Variants in FRMD3 observed in about 807,000 individuals in gnomAD.
FRMD3 encodes the protein FERM domain-containing protein 3.
In FRMD3, 33 loss-of-function variants were observed where a neutral mutation model predicts 70.2. The observed-to-expected ratio is 0.47, with a 90% CI of 0.36 to 0.63. The LOEUF (loss-of-function observed/expected upper bound fraction) is 0.63, where lower values mean the gene tolerates loss of function less well. Among genes scored for constraint, FRMD3 ranks in the 20% least tolerant of loss-of-function variants. The pLI is 0.00. For missense variants in FRMD3, 632 were observed against 711.4 expected, an observed-to-expected ratio of 0.89 and a Z score of 1.27; for synonymous variants, 279 against 255.9, an observed-to-expected ratio of 1.09 and a Z score of -0.86.
chr9:83,468,759 C>A (rs564983486), intron 1 of FRMD3, among the ~76,000 whole-genome samples: 19 of 152,298 alleles, frequency 1.2e-4, no homozygotes, highest in Admixed American at 1.1e-3. Flanking sequence ...AAGAATACAG[C>A]AATTTATCAC....
At chr9:83,319,738 G>A (rs1271522097) in intron 6 of FRMD3, among the ~76,000 whole-genome samples, 1 of 152,160 alleles carries the variant, frequency 6.6e-6, no homozygotes, top group Non-Finnish European at 1.5e-5. Context: ...TCTCTTGATA[G>A]TGAATGGGTC....
intron 3 of FRMD3, among the ~76,000 whole-genome samples, chr9:83,370,784 C>T (rs1253674132): frequency 3.9e-5 from 6 of 152,054 alleles, no homozygotes; most frequent in East Asian, 1.9e-4. Context: ...CGGTAGTGCA[C>T]GCCCGTAGTT....
chr9:83,284,058 GTTAT>G (rs779663689), intron 13 of FRMD3, among the ~76,000 whole-genome samples: 3 of 79,320 alleles, frequency 3.8e-5, no homozygotes, highest in African/African-American at 1.4e-4. Flanking sequence ...AAGCTAGGAT[GTTAT>G]TTTTTTTTTT....
Position 83,507,736 on chromosome 9 carries a change from A to ATATATATATATC in FRMD3, c.147+30348_147+30349insGATATATATATA, listed in dbSNP as rs1554713917. ...TATATATATATATATATATATATAT[A>ATATATATATATC]TATCTTCTGGAATATTTCCTGAAGG... On this transcript the variant is annotated intron_variant, in intron 1 of 13. Coordinates refer to ENST00000304195, the MANE Select transcript of FRMD3 (RefSeq NM_174938.6). Among the ~76,000 whole-genome samples, 21 of 88,688 alleles carry ATATATATATATC rather than the reference A, an allele frequency of 2.4e-4. 1 individual carries two copies. Among genetic ancestry groups the ATATATATATATC allele is most frequent in the Non-Finnish European group, 3.6e-4 (15 of 42,236 alleles). 58.2% of individuals were successfully genotyped at this position (88,688 alleles called of 152,430 possible). A position where few individuals can be genotyped will look rare whatever the true frequency, so the allele number is the denominator to read the frequency against.
At chr9:83,382,444 A>G (rs982267301) in intron 2 of FRMD3, among the ~76,000 whole-genome samples, 18 of 152,210 alleles carry the variant, frequency 1.2e-4, no homozygotes, top group African/African-American at 4.3e-4. Flanking sequence ...ATTATATTGC[A>G]TAAGTAGTAT....
chr9:83,460,440 T>C (rs1190982201), intron 1 of FRMD3, among the ~76,000 whole-genome samples: 1 of 152,182 alleles, frequency 6.6e-6, no homozygotes, highest in African/African-American at 2.4e-5. Context: ...ATTCAACACA[T>C]ACATTCACTG....
chr9:83,410,872 G>A (rs944956381), intron 1 of FRMD3, among the ~76,000 whole-genome samples: 1 of 152,040 alleles, frequency 6.6e-6, no homozygotes, highest in African/African-American at 2.4e-5. Flanking sequence ...GACTCGTCCC[G>A]GCTCACCTCA....
Position 83,298,746 on chromosome 9 carries a change from A to C in FRMD3, c.1070+2T>G. On this transcript the variant is annotated splice_donor_variant, in intron 12 of 13. Coordinates refer to ENST00000304195, the MANE Select transcript of FRMD3 (RefSeq NM_174938.6). LOFTEE classifies it high-confidence loss of function. ...TGGAACCCACAGTGATCATCCACTC[A>C]CCTGTGCACCTCAGGAGGCTCCCTC... The C allele has an allele frequency of 6.2e-7, 1 of 1,613,718 alleles. No individual in the cohort carries two copies. Among genetic ancestry groups the C allele is most frequent in the Admixed American group, 1.7e-5 (1 of 60,022 alleles).
At chr9:83,261,279 G>C (rs1411784494) in intron 13 of FRMD3, among the ~76,000 whole-genome samples, 1 of 152,006 alleles carries the variant, frequency 6.6e-6, no homozygotes, top group Non-Finnish European at 1.5e-5. Context: ...CCATCCTTAG[G>C]CTTCATCCTT....
At position 83,248,288 on chromosome 9, in the gene FRMD3, A is replaced by G; in HGVS notation, c.1424T>C (p.Leu475Ser). The G allele has an allele frequency of 6.2e-7, 1 of 1,614,150 alleles. No individual in the cohort carries two copies. The highest frequency in any genetic ancestry group is 8.5e-7 in the Non-Finnish European group (1 of 1,180,016). ...MLFDCPSRLE[L>S]EREDTDSFED... ...AAATGAATCTGTGTCTTCTCTTTCC[A>G]ACTCAAGCCTAGAAGGACAGTCAAA... The change falls in exon 14 of 14, where the codon TTG becomes TCG. Residue 475 changes from leucine (L) to serine (S), a missense_variant. Leu to Ser is a moderately radical substitution (Grantham distance 145). Around this residue, in one of 3 missense-constraint regions of FRMD3, gnomAD observed 418 missense variants for 442.1 expected, o/e 0.95. Transcript: ENST00000304195.
At chr9:83,429,744 TG>T in intron 1 of FRMD3, among the ~76,000 whole-genome samples, 1 of 152,212 alleles carries the variant, frequency 6.6e-6, no homozygotes, top group South Asian at 2.1e-4. Context: ...CTCTCTCTCT[TG>T]GATTCCATTT....
chr9:83,452,564 C>T (rs958168607), intron 1 of FRMD3, among the ~76,000 whole-genome samples: 12 of 151,844 alleles, frequency 7.9e-5, no homozygotes, highest in Non-Finnish European at 1.6e-4. Flanking sequence ...TCACTGCAAG[C>T]ACCGCCTCCC....
the FRMD3 span, among the ~76,000 whole-genome samples, chr9:83,561,413 G>A: frequency 6.6e-6 from 1 of 152,118 alleles, no homozygotes; most frequent in Non-Finnish European, 1.5e-5. Context: ...CATTTACAGG[G>A]CGGCTGCTAT....
chr9:83,466,240 C>A (rs1043455575), intron 1 of FRMD3, among the ~76,000 whole-genome samples: 11 of 152,212 alleles, frequency 7.2e-5, no homozygotes, highest in Non-Finnish European at 1.5e-4. Context: ...TAGGAAATTA[C>A]CATGATCAGT....
chr9:83,261,100 T>TACACACACACAC (rs1402795499), intron 13 of FRMD3, among the ~76,000 whole-genome samples: 461 of 27,040 alleles, frequency 0.017, 3 homozygotes, highest in African/African-American at 0.043. Flanking sequence ...AAAGGAAACT[T>TACACACACACAC]AGACACACAC....
chr9:83,537,614 G>GGGC lies in FRMD3; in HGVS notation c.147+468_147+470dup, dbSNP rs1829925671. Among the ~76,000 whole-genome samples, 1 of 152,222 alleles carries GGGC rather than the reference G, an allele frequency of 6.6e-6. No homozygotes were observed. The highest frequency in any genetic ancestry group is 1.5e-5 in the Non-Finnish European group (1 of 68,034). ...AGCGGAAAGCAGGTTCCGGGACTGA[G>GGGC]GGCGTCTCCGGAGCCTGGGCGCGGG... is the stretch of plus-strand genomic sequence containing the variant. On this transcript the variant is annotated intron_variant, in intron 1 of 13. Coordinates refer to ENST00000304195, the MANE Select transcript of FRMD3 (RefSeq NM_174938.6). This position sits in a 1 kb window ranked among gnomAD's most constrained non-coding sequence, Gnocchi z 4.1.
At chr9:83,438,165 G>A (rs920552973) in intron 1 of FRMD3, among the ~76,000 whole-genome samples, 1 of 152,076 alleles carries the variant, frequency 6.6e-6, no homozygotes, top group African/African-American at 2.4e-5. Flanking sequence ...CCCAAAAAAA[G>A]AAAAGAAAAT....
chr9:83,491,136 A>G (rs1828815343), intron 1 of FRMD3, among the ~76,000 whole-genome samples: 1 of 152,124 alleles, frequency 6.6e-6, no homozygotes, highest in Admixed American at 6.5e-5. Flanking sequence ...TCTGTGTAAT[A>G]CCTAGAACAC....
Position 83,290,735 on chromosome 9 carries a change from C to T in FRMD3, c.1071-8G>A, listed in dbSNP as rs774333968. The T allele has an allele frequency of 1.2e-6, 2 of 1,601,076 alleles. No individual in the cohort carries two copies. Among genetic ancestry groups the T allele is most frequent in the Non-Finnish European group, 1.7e-6 (2 of 1,172,882 alleles). ...CTCTGAGTAATGTTGGCTCTGAAAA[C>T]AGACACAAGCCAGACAGAGTTGGTT... is the stretch of plus-strand genomic sequence containing the variant. On this transcript the variant is annotated splice_polypyrimidine_tract_variant and splice_region_variant and intron_variant, in intron 12 of 13. Transcript: ENST00000304195.
Sources: gnomAD v4.1 joint callset for allele counts (sites outside exome capture counted in the v4.1 genomes callset) on GRCh38, gnomAD v4.1.1 for gene constraint, gnomAD v4.1.1 regional missense constraint, Gnocchi (gnomAD v3.1) non-coding constraint, MANE v1.5 for transcripts, NCBI Gene and HGNC (gene_info 2026-07-23, HGNC 2026-07-21) for gene names.